The following FIG4 variants were observed in gnomAD, a reference collection of about 807,000 sequenced individuals.
FIG4 encodes the protein polyphosphoinositide phosphatase.
Under a neutral mutation model 118.6 loss-of-function variants are expected in FIG4, and 112 were observed. That is an observed-to-expected ratio of 0.94 (90% confidence interval 0.81 to 1.11). The LOEUF (loss-of-function observed/expected upper bound fraction) is 1.11. Ranked by LOEUF, FIG4 falls within the 50% of genes least tolerant of loss-of-function variation. The pLI is 0.00. For missense variants in FIG4, 969 were observed against 1,111.7 expected (o/e 0.87, Z 1.83); for synonymous variants, 369 against 381.2 (o/e 0.97, Z 0.37).
intron 6 of FIG4, among the ~76,000 whole-genome samples, chr6:109,737,343 A>C (rs1279118390): frequency 6.6e-6 from 1 of 152,174 alleles, no homozygotes; most frequent in Non-Finnish European, 1.5e-5. Flanking sequence ...TGAGGTGAGT[A>C]GTATTAACAT....
At position 109,791,590 on chromosome 6, in the gene FIG4, T is replaced by C; in HGVS notation, c.2376+19T>C. ...GACCGAGGTGCGGGGGAGGGAAGCCTGTGGCATCCAGCCTGAAGCCCTGGA... is the reference window on the plus strand; with the variant it reads ...GACCGAGGTGCGGGGGAGGGAAGCCCGTGGCATCCAGCCTGAAGCCCTGGA... On this transcript the variant is annotated intron_variant, in intron 20 of 22. Transcript: ENST00000230124. 4 of 1,609,190 alleles carry C rather than the reference T, an allele frequency of 2.5e-6. No individual in the cohort carries two copies. Among genetic ancestry groups the C allele is most frequent in the Non-Finnish European group, 3.4e-6 (4 of 1,175,938 alleles).
chr6:109,706,468 A>G (rs538625013), intron 1 of FIG4, among the ~76,000 whole-genome samples: 87 of 152,286 alleles, frequency 5.7e-4, no homozygotes, highest in African/African-American at 2.0e-3. Flanking sequence ...GTCAATTTGC[A>G]TGCTCTTCTC....
At chr6:109,784,393 T>C (rs1352076076) in intron 16 of FIG4, among the ~76,000 whole-genome samples, 2 of 152,206 alleles carry the variant, frequency 1.3e-5, no homozygotes, top group Non-Finnish European at 2.9e-5. Context: ...GTAGCACATA[T>C]TTACAGTTAA....
intron 20 of FIG4, 103 bp downstream of exon 20, chr6:109,791,674 T>C (rs1778142948): frequency 1.1e-6 from 1 of 952,198 alleles, no homozygotes; most frequent in South Asian, 1.4e-5. Flanking sequence ...AATGTCACAT[T>C]ATCTCACTGT....
Position 109,791,527 on chromosome 6 carries a change from C to A in FIG4, c.2332C>A (p.Pro778Thr). Residue 778 changes from proline (P) to threonine (T), a missense_variant, in exon 20 of 23, where the codon CCC becomes ACC. By Grantham distance (38) the Pro-to-Thr change is conservative. Transcript: ENST00000230124. Reference sequence around the variant, plus strand: ...GGGCTCTGTGTCTCAGCGCTCCACTCCCGTGAAGATGACTGATGCAGGAGA... The same window carrying A: ...GGGCTCTGTGTCTCAGCGCTCCACTACCGTGAAGATGACTGATGCAGGAGA... ...EEGSVSQRSTPVKMTDAGDSA... is the reference protein window; with the variant it reads ...EEGSVSQRSTTVKMTDAGDSA... 1 of 1,614,008 alleles carries A rather than the reference C, an allele frequency of 6.2e-7. No homozygotes were observed. Among genetic ancestry groups the A allele is most frequent in the Non-Finnish European group, 8.5e-7 (1 of 1,180,010 alleles).
At chr6:109,801,799 G>A (rs1388348981) in intron 22 of FIG4, among the ~76,000 whole-genome samples, 2 of 152,162 alleles carry the variant, frequency 1.3e-5, no homozygotes, top group Non-Finnish European at 2.9e-5. Flanking sequence ...TTTTCATGAT[G>A]TTAATTTTCA....
chr6:109,778,404 A>G (rs1777683943), intron 16 of FIG4, among the ~76,000 whole-genome samples: 1 of 150,256 alleles, frequency 6.7e-6, no homozygotes, highest in South Asian at 2.1e-4. Context: ...CAGGAGGCAG[A>G]GGTTGTCATG....
chr6:109,761,077 A>G (rs1163955027), intron 11 of FIG4, among the ~76,000 whole-genome samples: 3 of 152,216 alleles, frequency 2.0e-5, no homozygotes, highest in Non-Finnish European at 4.4e-5. Context: ...TTAAGATGTT[A>G]CTATATCGTT....
chr6:109,788,710 A>G (rs184409128), intron 18 of FIG4, among the ~76,000 whole-genome samples: 2 of 152,346 alleles, frequency 1.3e-5, no homozygotes, highest in Admixed American at 6.5e-5. Flanking sequence ...AGCCAGTTAC[A>G]TCTTTGAAAC....
intron 16 of FIG4, among the ~76,000 whole-genome samples, chr6:109,777,635 G>A (rs994975180): frequency 1.3e-5 from 2 of 152,182 alleles, no homozygotes; most frequent in Non-Finnish European, 2.9e-5. Context: ...GTGACACTGG[G>A]AAGACGGGAA....
At position 109,789,640 on chromosome 6, in the gene FIG4, G is replaced by A; in HGVS notation, c.2143G>A (p.Val715Met). 1 of 1,613,630 alleles carries A rather than the reference G, an allele frequency of 6.2e-7. No individual in the cohort carries two copies. ...TGGAATTGATCCAAGTCCATTTACTGTGCGTAAACCAGATGAAACTGGAAA... is the reference window on the plus strand; with the variant it reads ...TGGAATTGATCCAAGTCCATTTACTATGCGTAAACCAGATGAAACTGGAAA... Reference protein sequence around the residue: ...TVGIDPSPFTVRKPDETGKSV... With the variant: ...TVGIDPSPFTMRKPDETGKSV... Residue 715 changes from valine to methionine, a missense_variant, in exon 19 of 23, where the codon GTG (valine) becomes ATG (methionine). By Grantham distance (21) the Val-to-Met change is conservative. Around this residue, in one of 3 missense-constraint regions of FIG4, gnomAD observed 330 missense variants for 348.1 expected, o/e 0.95. Coordinates refer to ENST00000230124, the MANE Select transcript of FIG4 (RefSeq NM_014845.6).
intron 1 of FIG4, among the ~76,000 whole-genome samples, chr6:109,707,548 A>G (rs1342863052): frequency 4.6e-5 from 7 of 151,738 alleles, no homozygotes. Context: ...GTTGTAATAT[A>G]CAGTAAATTC....
At chr6:109,742,170 G>GT (rs1216521775) in intron 8 of FIG4, among the ~76,000 whole-genome samples, 1 of 152,024 alleles carries the variant, frequency 6.6e-6, no homozygotes, top group African/African-American at 2.4e-5. Context: ...TGCGGTACAT[G>GT]TTTAATGTAG....
chr6:109,825,156 C>T lies in FIG4; in HGVS notation c.2615C>T (p.Ser872Phe). Reference protein sequence around the residue: ...EVQPPRVDRKSTEIFQAHIQA... With the variant: ...EVQPPRVDRKFTEIFQAHIQA... ...CAGCCCCCAAGAGTAGACAGAAAAT[C>T]TACAGAGATCTTCCAAGCCCACATC... Residue 872 changes from serine to phenylalanine, a missense_variant, in exon 23 of 23, where the codon TCT becomes TTT. By Grantham distance (155) the Ser-to-Phe change is radical. Transcript: ENST00000230124. The T allele has an allele frequency of 6.2e-7, 1 of 1,614,040 alleles. No homozygotes were observed.
intron 15 of FIG4, among the ~76,000 whole-genome samples, chr6:109,773,862 G>A (rs950770584): frequency 2.0e-5 from 3 of 152,032 alleles, no homozygotes; most frequent in African/African-American, 4.8e-5. Flanking sequence ...TGTAGAGATA[G>A]GGTCTCCCTA....
chr6:109,790,035 C>T (rs979012642), intron 19 of FIG4, among the ~76,000 whole-genome samples: 9 of 152,108 alleles, frequency 5.9e-5, no homozygotes, highest in African/African-American at 2.2e-4. Context: ...TACCCTGTTA[C>T]GGAACTTAAT....
intron 10 of FIG4, among the ~76,000 whole-genome samples, chr6:109,756,940 A>G (rs1170226092): frequency 6.6e-6 from 1 of 152,196 alleles, no homozygotes; most frequent in East Asian, 1.9e-4. Context: ...TCAACTCGTC[A>G]AAGTCATTCT....
At chr6:109,707,409 A>G (rs1201769861) in intron 1 of FIG4, among the ~76,000 whole-genome samples, 1 of 148,436 alleles carries the variant, frequency 6.7e-6, no homozygotes, top group Non-Finnish European at 1.5e-5. Context: ...ATACATATAC[A>G]TATATACCTA....
intron 1 of FIG4, among the ~76,000 whole-genome samples, chr6:109,707,118 A>T (rs1025669892): frequency 6.6e-6 from 1 of 152,022 alleles, no homozygotes; most frequent in East Asian, 1.9e-4. Context: ...ATTATAACTC[A>T]TAGTGTCATC....
Sources: allele counts gnomAD v4.1 joint callset (sites outside exome capture counted in the v4.1 genomes callset), GRCh38; gene constraint gnomAD v4.1.1; regional missense constraint gnomAD v4.1.1; transcripts MANE v1.5; gene names NCBI Gene and HGNC (gene_info 2026-07-23, HGNC 2026-07-21).